The following ASIC2 variants were observed in gnomAD, a reference collection of about 807,000 sequenced individuals.
ASIC2 encodes acid-sensing ion channel 2.
In ASIC2, 25 loss-of-function variants were observed where a neutral mutation model predicts 57.3. That is an observed-to-expected ratio of 0.44 (90% CI 0.32 to 0.61). The LOEUF is 0.61. Ranked by LOEUF, ASIC2 falls within the 20% of genes least tolerant of loss-of-function variation. The pLI is 0.06. For synonymous variants in ASIC2, 319 were observed against 307.5 expected, an observed-to-expected ratio of 1.04 and a Z score of -0.39; for missense variants, 641 against 738.1, an observed-to-expected ratio of 0.87 and a Z score of 1.52.
chr17:33,913,118 C>T (rs1915504594), intron 1 of ASIC2, among the ~76,000 whole-genome samples: 1 of 151,756 alleles, frequency 6.6e-6, no homozygotes, highest in Non-Finnish European at 1.5e-5. Flanking sequence ...TGCCAGTTCT[C>T]ACAGATCTCT....
chr17:33,050,916 C>T (rs1003515053), intron 3 of ASIC2, among the ~76,000 whole-genome samples: 19 of 152,194 alleles, frequency 1.2e-4, no homozygotes, highest in Admixed American at 4.6e-4. Flanking sequence ...CTATTGTTAT[C>T]CCTGCTATGC....
At chr17:33,655,612 A>C (rs886175703) in intron 1 of ASIC2, among the ~76,000 whole-genome samples, 3 of 152,222 alleles carry the variant, frequency 2.0e-5, no homozygotes, top group African/African-American at 7.2e-5. Context: ...TGACTGTTCC[A>C]GGAGGCCCTG....
intron 1 of ASIC2, among the ~76,000 whole-genome samples, chr17:33,443,148 G>T (rs960095016): frequency 6.6e-6 from 1 of 152,110 alleles, no homozygotes; most frequent in East Asian, 1.9e-4. Flanking sequence ...ATATGTTGAT[G>T]AATTCAGTTT....
chr17:33,291,371 G>T (rs767652881), intron 1 of ASIC2, 37 bp downstream of exon 1: 4 of 1,563,282 alleles, frequency 2.6e-6, no homozygotes, highest in East Asian at 4.5e-5. Context: ...GGGGAGTGGG[G>T]CGCAGAGGGA....
chr17:33,059,167 A>ACTTT (rs2092010683), intron 3 of ASIC2, among the ~76,000 whole-genome samples: 1 of 152,032 alleles, frequency 6.6e-6, no homozygotes, highest in Non-Finnish European at 1.5e-5. Flanking sequence ...ATATATATAT[A>ACTTT]TTTTATTATA....
At chr17:33,088,079 C>T (rs879547302) in intron 3 of ASIC2, among the ~76,000 whole-genome samples, 4 of 152,130 alleles carry the variant, frequency 2.6e-5, no homozygotes, top group South Asian at 2.1e-4. Flanking sequence ...CTTAGCTATG[C>T]CTAAGGTCTT....
At chr17:33,889,465 G>T (rs1283982078) in intron 1 of ASIC2, among the ~76,000 whole-genome samples, 1 of 152,090 alleles carries the variant, frequency 6.6e-6, no homozygotes, top group African/African-American at 2.4e-5. Flanking sequence ...CTTAAGATTT[G>T]CCATCATTAT....
intron 1 of ASIC2, among the ~76,000 whole-genome samples, chr17:34,101,224 G>A (rs977067876): frequency 6.6e-6 from 1 of 152,146 alleles, no homozygotes; most frequent in Non-Finnish European, 1.5e-5. Context: ...AATGTATCCG[G>A]TATTGTTTTA....
chr17:34,112,407 G>A (rs988498955), intron 1 of ASIC2, among the ~76,000 whole-genome samples: 2 of 149,574 alleles, frequency 1.3e-5, no homozygotes, highest in Non-Finnish European at 3.0e-5. Context: ...TCCTTCTCAA[G>A]CTTCCACCAC....
intron 1 of ASIC2, among the ~76,000 whole-genome samples, chr17:33,978,614 A>C (rs1208638335): frequency 3.3e-5 from 5 of 152,200 alleles, no homozygotes; most frequent in Non-Finnish European, 7.3e-5. Context: ...CCTATTTCAT[A>C]GTTTAACATT....
At position 33,021,567 on chromosome 17, in the gene ASIC2, T is replaced by C. The variant is rs571347515; in HGVS notation, c.1350-257A>G. 5.9e-5 allele frequency among the ~76,000 whole-genome samples: 9 copies of C among 152,364 alleles called. No homozygotes were observed. In the East Asian group the frequency reaches 1.5e-3, roughly 26 times the overall value. ...GTCTCCCTGCTTTCTCTTTGCACCCTATGCAGGAGTCCTGCCTGGCTTCCA... is the reference window on the plus strand; with the variant it reads ...GTCTCCCTGCTTTCTCTTTGCACCCCATGCAGGAGTCCTGCCTGGCTTCCA... On this transcript the variant is annotated intron_variant, in intron 6 of 9. Transcript: ENST00000225823.
chr17:33,768,147 T>A lies in ASIC2; in HGVS notation c.555+387831A>T, dbSNP rs181122220. ...CCTCAGCCTCCCCAGCAGCTGGGACTACGGGCGCCTGCCACCGCGCCCTGC... is the reference window on the plus strand; with the variant it reads ...CCTCAGCCTCCCCAGCAGCTGGGACAACGGGCGCCTGCCACCGCGCCCTGC... On this transcript the variant is annotated intron_variant, in intron 1 of 9. Transcript: ENST00000359872. 6.6e-5 allele frequency among the ~76,000 whole-genome samples: 10 copies of A among 152,052 alleles called. No individual in the cohort carries two copies. The South Asian group carries it at 8.3e-4, about 13-fold the overall frequency.
Position 33,827,337 on chromosome 17 carries a change from C to CTTTTTTTTTTTT in ASIC2, c.555+328629_555+328640dup, listed in dbSNP as rs375695905. On this transcript the variant is annotated intron_variant, in intron 1 of 9. Coordinates refer to the ASIC2 transcript ENST00000359872. ...GGACTAGGTCCTGTTGCAGCTCACT[C>CTTTTTTTTTTTT]TTTTTTTTTTTTGAGACAGAGTCTT... Among the ~76,000 whole-genome samples the CTTTTTTTTTTTT allele has an allele frequency of 7.7e-4, 59 of 76,528 alleles. 12 individuals are homozygous for CTTTTTTTTTTTT. The highest frequency in any genetic ancestry group is 1.8e-3 in the Admixed American group (12 of 6,614). 50.2% of individuals were successfully genotyped at this position (76,528 alleles called of 152,430 possible). A position where few individuals can be genotyped will look rare whatever the true frequency, so the allele number is the denominator to read the frequency against.
intron 1 of ASIC2, among the ~76,000 whole-genome samples, chr17:34,135,920 G>C (rs551319839): frequency 6.6e-6 from 1 of 152,180 alleles, no homozygotes; most frequent in African/African-American, 2.4e-5. Flanking sequence ...CATTGAGAAT[G>C]CTCAATAGCT....
At chr17:33,336,151 T>C (rs1907506592) in intron 1 of ASIC2, among the ~76,000 whole-genome samples, 1 of 151,976 alleles carries the variant, frequency 6.6e-6, no homozygotes, top group South Asian at 2.1e-4. Flanking sequence ...GATGCTCCCC[T>C]CACCCCAGGA....
At chr17:33,978,476 G>A (rs1905476415) in intron 1 of ASIC2, among the ~76,000 whole-genome samples, 1 of 152,196 alleles carries the variant, frequency 6.6e-6, no homozygotes, top group Non-Finnish European at 1.5e-5. Context: ...ACTTCAAAAT[G>A]AGGACAAGAT....
chr17:33,180,556 A>G (rs1905940291), intron 1 of ASIC2, among the ~76,000 whole-genome samples: 1 of 152,018 alleles, frequency 6.6e-6, no homozygotes, highest in African/African-American at 2.4e-5. Flanking sequence ...TCTACATTCC[A>G]CCACCACCAT....
rs139741441 is a variant in ASIC2 at position 33,106,458 on chromosome 17, T to C, written c.859+5459A>G. Among the ~76,000 whole-genome samples, 495 of 152,330 alleles carry C rather than the reference T, an allele frequency of 3.2e-3. 1 individual carries two copies. The highest frequency in any genetic ancestry group is 0.011 in the African/African-American group (457 of 41,568). ...GAAAGGGAGGTGCCTATTTGTGGTC[T>C]TTCTGACACTCGAACCCTTTTAGAA... On this transcript the variant is annotated intron_variant, in intron 2 of 9. Coordinates refer to ENST00000225823, the MANE Select transcript of ASIC2 (RefSeq NM_183377.2).
chr17:33,337,206 G>C (rs573465531), intron 1 of ASIC2, among the ~76,000 whole-genome samples: 3 of 152,166 alleles, frequency 2.0e-5, no homozygotes, highest in Non-Finnish European at 2.9e-5. Context: ...GAACCAAAAA[G>C]TGCTTGGACT....
Sources: gnomAD v4.1 joint callset for allele counts (sites outside exome capture counted in the v4.1 genomes callset) on GRCh38, gnomAD v4.1.1 for gene constraint, MANE v1.5 for transcripts, NCBI Gene and HGNC (gene_info 2026-07-23, HGNC 2026-07-21) for gene names.